Variants in PCDHGA7 observed in about 807,000 individuals in gnomAD.
PCDHGA7 encodes protocadherin gamma subfamily A, 7.
Under a neutral mutation model 58.3 loss-of-function variants are expected in PCDHGA7, and 44 were observed. The ratio of observed to expected loss-of-function variants is 0.75; its 90% CI spans 0.59 to 0.97. The LOEUF (loss-of-function observed/expected upper bound fraction) is 0.97. Among genes scored for constraint, PCDHGA7 ranks in the 50% least tolerant of loss-of-function variants. PCDHGA7 has a pLI of 0.00. For synonymous variants in PCDHGA7, 516 were observed against 504.2 expected (o/e 1.02, Z -0.31); for missense variants, 1,266 against 1,188.7 (o/e 1.06, Z -0.96).
chr5:141,461,196 T>C (rs1398352067), intron 1 of PCDHGA7, among the ~76,000 whole-genome samples: 3 of 152,128 alleles, frequency 2.0e-5, no homozygotes. Context: ...TGTTTTTTGC[T>C]CTTTAGAGAA....
chr5:141,383,059 C>A lies in PCDHGA7; in HGVS notation c.160C>A (p.Leu54Met), dbSNP rs1778767353. Reference sequence around the variant, plus strand: ...GGGAGACATCGCCAAGGACCTGGGGCTGGAGCCCCGGGAGCTGGCGGAGCG... The same window carrying A: ...GGGAGACATCGCCAAGGACCTGGGGATGGAGCCCCGGGAGCTGGCGGAGCG... ...FVGDIAKDLGLEPRELAERGV... is the reference protein window; with the variant it reads ...FVGDIAKDLGMEPRELAERGV... Residue 54 changes from leucine to methionine, a missense_variant, in exon 1 of 4, where the codon CTG (leucine) becomes ATG (methionine). Coordinates refer to ENST00000518325, the MANE Select transcript of PCDHGA7 (RefSeq NM_018920.4). 1 of 1,613,894 alleles carries A rather than the reference C, an allele frequency of 6.2e-7. No homozygotes were observed. The highest frequency in any genetic ancestry group is 8.5e-7 in the Non-Finnish European group (1 of 1,179,914).
chr5:141,488,518 G>A lies in PCDHGA7; in HGVS notation c.2425-6289G>A, dbSNP rs2233597. On this transcript the variant is annotated intron_variant, in intron 1 of 3. Coordinates refer to ENST00000518325, the MANE Select transcript of PCDHGA7 (RefSeq NM_018920.4). Reference sequence around the variant, plus strand: ...CACTCATTCCACATTTGGGGTCTGGGGTGTCAGAAAAGCTAAGTCCCATGT... The same window carrying A: ...CACTCATTCCACATTTGGGGTCTGGAGTGTCAGAAAAGCTAAGTCCCATGT... Among the ~76,000 whole-genome samples the A allele has an allele frequency of 5.8e-3, 879 of 152,218 alleles. 4 individuals are homozygous for A. The highest frequency in any genetic ancestry group is 0.021 in the African/African-American group (853 of 41,520).
Position 141,489,624 on chromosome 5 carries a change from C to T in PCDHGA7, c.2425-5183C>T. 1 of 1,614,088 alleles carries T rather than the reference C, an allele frequency of 6.2e-7. No homozygotes were observed. On this transcript the variant is annotated intron_variant, in intron 1 of 3. Transcript: ENST00000518325. The surrounding 1 kb of genome is among the most constrained non-coding windows in gnomAD (Gnocchi z 4.5). Reference sequence around the variant, plus strand: ...AGGTAGAGATCCTGGATCTCAATGACAACTCTCCTAGCTTTGCCACCCCTG... The same window carrying T: ...AGGTAGAGATCCTGGATCTCAATGATAACTCTCCTAGCTTTGCCACCCCTG...
intron 1 of PCDHGA7, among the ~76,000 whole-genome samples, chr5:141,437,686 G>A (rs1025629140): frequency 2.6e-5 from 4 of 151,740 alleles, no homozygotes; most frequent in African/African-American, 9.7e-5. Flanking sequence ...AACTGATGAG[G>A]CTAAATCTCA....
At position 141,384,675 on chromosome 5, in the gene PCDHGA7, G is replaced by A; in HGVS notation, c.1776G>A (p.Val592=). ...AEPGYLVTKV[V]AVDKDSGQNA... is the part of the protein sequence containing the mutation. ...CCGGCTACCTGGTGACCAAGGTGGT[G>A]GCGGTGGACAAAGATTCAGGCCAGA... Residue 592 remains valine, a synonymous_variant, in exon 1 of 4, where the codon GTG becomes GTA. Transcript: ENST00000518325. 1 of 1,614,216 alleles carries A rather than the reference G, an allele frequency of 6.2e-7. No homozygotes were observed. The highest frequency in any genetic ancestry group is 8.5e-7 in the Non-Finnish European group (1 of 1,180,040).
rs768767029 is a variant in PCDHGA7, at chr5:141,477,838, G to A, written c.2425-16969G>A. The A allele has an allele frequency of 6.2e-7, 1 of 1,612,892 alleles. No individual in the cohort carries two copies. The highest frequency in any genetic ancestry group is 1.1e-5 in the South Asian group (1 of 90,982). ...AGGTCCTATATCCTCGGCCAGGTGG[G>A]AGCTCGGTGGAGATGCTGCCTCGAG... On this transcript the variant is annotated intron_variant, in intron 1 of 3. Transcript: ENST00000518325. This position sits in a 1 kb window ranked among gnomAD's most constrained non-coding sequence, Gnocchi z 4.9.
rs1163353349 is a variant in PCDHGA7, at chr5:141,489,426, G to C, written c.2425-5381G>C. 6.2e-7 allele frequency: 1 copy of C among 1,614,012 alleles called. No homozygotes were observed. The highest frequency in any genetic ancestry group is 1.3e-5 in the African/African-American group (1 of 74,922). ...TAAAGATGACAGATCTGTTGAGCCGGCGGCTGCAATTGGGCTCTGAGGAGA... is the reference window on the plus strand; with the variant it reads ...TAAAGATGACAGATCTGTTGAGCCGCCGGCTGCAATTGGGCTCTGAGGAGA... On this transcript the variant is annotated intron_variant, in intron 1 of 3. Transcript: ENST00000518325. The surrounding 1 kb of genome is among the most constrained non-coding windows in gnomAD (Gnocchi z 4.5).
rs760676891 is a variant in PCDHGA7, at chr5:141,413,180, CCGCTCAAAGGAAT to C, written c.2424+27872_2424+27884del. The C allele has an allele frequency of 6.9e-5, 111 of 1,602,612 alleles. No individual in the cohort carries two copies. The East Asian group carries it at 9.6e-4, about 14-fold the overall frequency. ...GAATTCTGTAACCAGACTACAATGG[CCGCTCAAAGGAAT>C]CGCTCAAAGGAATCAAAGGATTGCA... On this transcript the variant is annotated intron_variant, in intron 1 of 3. Transcript: ENST00000518325.
chr5:141,482,998 T>C (rs1458221945), intron 1 of PCDHGA7, among the ~76,000 whole-genome samples: 1 of 152,008 alleles, frequency 6.6e-6, no homozygotes, highest in Non-Finnish European at 1.5e-5. Flanking sequence ...GGCAGGAGAA[T>C]TGCTTGAACC....
intron 1 of PCDHGA7, chr5:141,394,476 C>T (rs763209018): frequency 3.8e-5 from 61 of 1,614,238 alleles, no homozygotes; most frequent in Admixed American, 1.7e-4. Flanking sequence ...CGTGCTGGAC[C>T]AGAATGACAA....
At chr5:141,498,137 G>T (rs1319960274) in intron 2 of PCDHGA7, among the ~76,000 whole-genome samples, 1 of 152,204 alleles carries the variant, frequency 6.6e-6, no homozygotes, top group Non-Finnish European at 1.5e-5. Context: ...GGAGCAGGAG[G>T]ACATCCTGGA....
At chr5:141,421,523 C>G in intron 1 of PCDHGA7, 1 of 1,614,034 alleles carries the variant, frequency 6.2e-7, no homozygotes, top group Non-Finnish European at 8.5e-7. Context: ...CTCTGTGAGA[C>G]GGTGTCCTCC....
chr5:141,463,975 C>T lies in PCDHGA7; in HGVS notation c.2425-30832C>T, dbSNP rs145316182. Among the ~76,000 whole-genome samples the T allele has an allele frequency of 1.3e-3, 204 of 151,992 alleles. 1 individual carries two copies. Among genetic ancestry groups the T allele is most frequent in the African/African-American group, 4.8e-3 (198 of 41,474 alleles). The stretch of plus-strand genomic sequence containing the variant: ...TTTTTAAAATAGCTTCATAAAACTC[C>T]ATTGTAAAAACCAGGTGCAGTGGCT... On this transcript the variant is annotated intron_variant, in intron 1 of 3. Transcript: ENST00000518325.
chr5:141,410,054 A>C, intron 1 of PCDHGA7: 1 of 1,613,064 alleles, frequency 6.2e-7, no homozygotes. Context: ...CGGACTCTTC[A>C]GCCTGGGGCT....
chr5:141,421,410 G>A lies in PCDHGA7; in HGVS notation c.2424+36087G>A, dbSNP rs538537555. On this transcript the variant is annotated intron_variant, in intron 1 of 3. Transcript: ENST00000518325. ...TGGGGCTGGAGCCCCGGGAGCTGGCGAAGCGCGGAGTCCGCATCGTCTCCA... is the reference window on the plus strand; with the variant it reads ...TGGGGCTGGAGCCCCGGGAGCTGGCAAAGCGCGGAGTCCGCATCGTCTCCA... The A allele has an allele frequency of 3.7e-6, 6 of 1,614,084 alleles. No homozygotes were observed. In the African/African-American group the frequency reaches 6.7e-5, roughly 18 times the overall value.
chr5:141,510,420 G>A (rs1275392355), intron 3 of PCDHGA7, among the ~76,000 whole-genome samples: 2 of 152,126 alleles, frequency 1.3e-5, no homozygotes, highest in Non-Finnish European at 2.9e-5. Flanking sequence ...TAAAGCCATG[G>A]TTTCATGGCT....
At chr5:141,390,887 T>A (rs547559021) in intron 1 of PCDHGA7, 2,724 of 151,184 alleles carry the variant, frequency 0.018, 30 homozygotes, top group African/African-American at 0.021. Flanking sequence ...TGTGTGTGTG[T>A]GAGAGAGATC....
At chr5:141,430,996 G>C in intron 1 of PCDHGA7, 8 of 1,614,024 alleles carry the variant, frequency 5.0e-6, no homozygotes, top group Middle Eastern at 3.3e-4. Context: ...CCCTGAATCC[G>C]CGCAGCGGCA....
At chr5:141,451,624 G>A (rs1016417101) in intron 1 of PCDHGA7, among the ~76,000 whole-genome samples, 3 of 152,150 alleles carry the variant, frequency 2.0e-5, no homozygotes, top group African/African-American at 7.2e-5. Context: ...GCTCAAACCT[G>A]TAATTCCAGC....
Sources: gnomAD v4.1 joint callset for allele counts (sites outside exome capture counted in the v4.1 genomes callset) on GRCh38, gnomAD v4.1.1 for gene constraint, Gnocchi (gnomAD v3.1) non-coding constraint, MANE v1.5 for transcripts, NCBI Gene and HGNC (gene_info 2026-07-23, HGNC 2026-07-21) for gene names.